XK: variants seen among roughly 807,000 people sequenced by gnomAD.
XK encodes X-linked Kx blood group antigen, Kell and VPS13A binding protein.
XK carries 2 observed loss-of-function variants against 14.0 expected under a neutral mutation model. The ratio of observed to expected loss-of-function variants is 0.14; its 90% CI spans 0.06 to 0.45. The LOEUF is 0.45. XK is among the 20% of genes least tolerant of loss of function. The probability of loss-of-function intolerance (pLI) is 0.98; values close to 1 mark genes in which losing one functional copy is unlikely to be tolerated. For synonymous variants in XK, 149 were observed against 147.5 expected (o/e 1.01, Z -0.08); for missense variants, 235 against 341.5 (o/e 0.69, Z 2.46).
intron 2 of XK, among the ~76,000 whole-genome samples, chrX:37,725,604 C>T (rs782489632): frequency 9.0e-6 from 1 of 111,127 alleles, no homozygotes; most frequent in African/African-American, 3.3e-5. Flanking sequence ...TGGTATTTAC[C>T]CTAAGGAGTT....
intron 2 of XK, among the ~76,000 whole-genome samples, chrX:37,723,300 G>T (rs782804525): frequency 9.0e-6 from 1 of 111,230 alleles, no homozygotes; most frequent in South Asian, 3.7e-4. Context: ...GTAGGTATTT[G>T]CATGAGCATC....
intron 2 of XK, among the ~76,000 whole-genome samples, chrX:37,705,188 G>T (rs955538621): frequency 7.2e-5 from 8 of 110,969 alleles, no homozygotes; most frequent in Admixed American, 4.8e-4. Context: ...GCTCACGCCT[G>T]TAATCCCAGC....
At chrX:37,693,257 T>C (rs1164130903) in intron 1 of XK, among the ~76,000 whole-genome samples, 1 of 111,905 alleles carries the variant, frequency 8.9e-6, no homozygotes, top group African/African-American at 3.3e-5. Flanking sequence ...AAGTGCATGT[T>C]AGAGGAGGGA....
chrX:37,712,453 T>C lies in XK; in HGVS notation c.509-15183T>C, dbSNP rs1475778210. On this transcript the variant is annotated intron_variant, in intron 2 of 2. Transcript: ENST00000378616. ...TTACATGATATAAGCTTATAAACTTTTGGCACAACATCATCTGTTTTTTGC... is the reference window on the plus strand; with the variant it reads ...TTACATGATATAAGCTTATAAACTTCTGGCACAACATCATCTGTTTTTTGC... Among the ~76,000 whole-genome samples the C allele has an allele frequency of 2.7e-5, 3 of 112,230 alleles. No homozygotes were observed. In the East Asian group the frequency reaches 8.4e-4, roughly 31 times the overall value.
At chrX:37,721,510 A>G (rs1190931341) in intron 2 of XK, among the ~76,000 whole-genome samples, 16 of 111,487 alleles carry the variant, frequency 1.4e-4, no homozygotes, top group African/African-American at 5.2e-4. Flanking sequence ...ATACAATTTC[A>G]CACCCATTAG....
chrX:37,707,704 C>T (rs999443807), intron 2 of XK, among the ~76,000 whole-genome samples: 2 of 108,729 alleles, frequency 1.8e-5, no homozygotes, highest in South Asian at 4.1e-4. Context: ...CGGGAAGAGG[C>T]GCTCCTCACT....
At chrX:37,687,028 G>C (rs1405879061) in intron 1 of XK, among the ~76,000 whole-genome samples, 1 of 110,922 alleles carries the variant, frequency 9.0e-6, no homozygotes, top group Non-Finnish European at 1.9e-5. Flanking sequence ...CAAAACAAAG[G>C]CCGTCCATTT....
chrX:37,711,387 T>C (rs1927661929), intron 2 of XK, among the ~76,000 whole-genome samples: 1 of 112,368 alleles, frequency 8.9e-6, no homozygotes, highest in African/African-American at 3.2e-5. Context: ...GTCTTTCTCC[T>C]CTGGCAGGGA....
intron 1 of XK, 55 bp from the exon 2 acceptor site, chrX:37,694,231 G>A: frequency 8.3e-7 from 1 of 1,201,251 alleles, no homozygotes; most frequent in Non-Finnish European, 1.1e-6. Flanking sequence ...GATGAGCATG[G>A]AAAGTCAGAA....
chrX:37,709,406 A>C (rs1417649097), intron 2 of XK, among the ~76,000 whole-genome samples: 1 of 112,114 alleles, frequency 8.9e-6, no homozygotes, highest in Non-Finnish European at 1.9e-5. Flanking sequence ...TTAAGTTTTT[A>C]AATTATTTTA....
intron 1 of XK, among the ~76,000 whole-genome samples, chrX:37,693,476 C>CGT (rs781954179): frequency 1.4e-4 from 13 of 95,957 alleles, no homozygotes; most frequent in South Asian, 5.7e-4. Context: ...TCTATCAATT[C>CGT]GTGTGTGTGT....
chrX:37,687,193 T>A (rs868933646), intron 1 of XK, among the ~76,000 whole-genome samples: 2 of 86,346 alleles, frequency 2.3e-5, no homozygotes, highest in African/African-American at 5.7e-5. Flanking sequence ...TCTCTCTCTC[T>A]TACACACACA....
At chrX:37,687,031 G>C (rs1476518036) in intron 1 of XK, among the ~76,000 whole-genome samples, 2 of 110,987 alleles carry the variant, frequency 1.8e-5, no homozygotes, top group Admixed American at 1.9e-4. Context: ...AACAAAGGCC[G>C]TCCATTTGGA....
intron 2 of XK, among the ~76,000 whole-genome samples, chrX:37,703,052 A>C (rs1927445283): frequency 8.9e-6 from 1 of 112,102 alleles, no homozygotes. Context: ...AGATTCCTAA[A>C]TGCCAGCTCT....
rs41297338 is a variant in XK at position 37,729,047 on chromosome X, G to C, written c.*585G>C. On this transcript the variant is annotated 3_prime_UTR_variant, in exon 3 of 3. Transcript: ENST00000378616. ...CCAACTGTAGCCACCCTGGCATGCT[G>C]TCTCTAATTGATTCAAGGGCCTAGA... 224 of 112,036 alleles carry C rather than the reference G, an allele frequency of 2.0e-3. No homozygotes were observed. Among genetic ancestry groups the C allele is most frequent in the Middle Eastern group, 9.1e-3 (2 of 219 alleles). 9.2% of individuals were successfully genotyped at this position (112,036 alleles called of 1,213,427 possible).
At chrX:37,707,491 G>A (rs1244630953) in intron 2 of XK, among the ~76,000 whole-genome samples, 1 of 108,072 alleles carries the variant, frequency 9.3e-6, no homozygotes, top group African/African-American at 3.4e-5. Context: ...TTCTCAGACG[G>A]GGCGGCTGCC....
Position 37,729,611 on chromosome X carries a change from T to G in XK, c.*1149T>G, listed in dbSNP as rs1350900427. Reference sequence around the variant, plus strand: ...TCCTTTAATCGGAGACCCTATTTGTTTCATTAAAGAGGATTGGGTAGCATA... The same window carrying G: ...TCCTTTAATCGGAGACCCTATTTGTGTCATTAAAGAGGATTGGGTAGCATA... On this transcript the variant is annotated 3_prime_UTR_variant, in exon 3 of 3. Transcript: ENST00000378616. 1 of 111,753 alleles carries G rather than the reference T, an allele frequency of 8.9e-6. No homozygotes were observed. Among genetic ancestry groups the G allele is most frequent in the East Asian group, 2.8e-4 (1 of 3,583 alleles). The allele number at this position is 111,753 out of a possible 1,213,427, so 9.2% of individuals were successfully genotyped here.
At chrX:37,697,600 G>T (rs1445248684) in intron 2 of XK, among the ~76,000 whole-genome samples, 2 of 112,218 alleles carry the variant, frequency 1.8e-5, no homozygotes, top group Non-Finnish European at 3.8e-5. Context: ...AGCAGAGTTT[G>T]CCATGAGGGA....
intron 1 of XK, among the ~76,000 whole-genome samples, chrX:37,689,039 A>G (rs782056630): frequency 1.8e-5 from 2 of 112,436 alleles, no homozygotes; most frequent in South Asian, 3.7e-4. Context: ...TAAAGTTTCA[A>G]CACTATAAAA....
Sources: gnomAD v4.1 joint callset for allele counts (sites outside exome capture counted in the v4.1 genomes callset) on GRCh38, gnomAD v4.1.1 for gene constraint, MANE v1.5 for transcripts, NCBI Gene and HGNC (gene_info 2026-07-23, HGNC 2026-07-21) for gene names.